Variants in COL9A1 observed in about 807,000 individuals in gnomAD.
The protein encoded by COL9A1 is collagen alpha-1(IX) chain.
A neutral mutation model predicts 142.6 loss-of-function variants in COL9A1; 104 were observed. The observed-to-expected ratio is 0.73, with a 90% confidence interval of 0.62 to 0.86. The LOEUF (loss-of-function observed/expected upper bound fraction) is 0.86, where lower values mean the gene tolerates loss of function less well. Among genes scored for constraint, COL9A1 ranks in the 40% least tolerant of loss-of-function variants. The pLI is 0.00. For missense variants in COL9A1, 1,210 were observed against 1,176.6 expected (o/e 1.03, Z -0.42); for synonymous variants, 466 against 396.0 (o/e 1.18, Z -2.10).
intron 37 of COL9A1, among the ~76,000 whole-genome samples, chr6:70,223,482 T>C (rs567401798): frequency 1.6e-4 from 24 of 152,302 alleles, no homozygotes; most frequent in African/African-American, 5.5e-4. Flanking sequence ...GAACCTAGGA[T>C]GTCTGAATTG....
chr6:70,297,263 C>T (rs144587151), intron 4 of COL9A1, among the ~76,000 whole-genome samples: 17 of 152,054 alleles, frequency 1.1e-4, no homozygotes, highest in Admixed American at 1.0e-3. Context: ...AAATGAATAC[C>T]TCAATTACAG....
chr6:70,280,540 C>T (rs1021546529), intron 10 of COL9A1: 13 of 1,385,972 alleles, frequency 9.4e-6, no homozygotes, highest in Non-Finnish European at 1.2e-5. Flanking sequence ...TGTGAGGTCA[C>T]GGTTAGAGAC....
chr6:70,227,045 T>G (rs896581619), intron 36 of COL9A1, among the ~76,000 whole-genome samples: 4 of 152,062 alleles, frequency 2.6e-5, no homozygotes, highest in Admixed American at 6.6e-5. Flanking sequence ...GGGTTTATAA[T>G]GAAGGTGGTG....
At chr6:70,235,536 A>T (rs1769855064) in intron 33 of COL9A1, among the ~76,000 whole-genome samples, 2 of 152,166 alleles carry the variant, frequency 1.3e-5, no homozygotes, top group African/African-American at 2.4e-5. Flanking sequence ...TACATTTTTT[A>T]AAAACTACAT....
In COL9A1 at chr6:70,300,033, G is replaced by T; in HGVS notation, c.299+10C>A. 1 of 1,612,630 alleles carries T rather than the reference G, an allele frequency of 6.2e-7. No homozygotes were observed. The highest frequency in any genetic ancestry group is 8.5e-7 in the Non-Finnish European group (1 of 1,178,864). On this transcript the variant is annotated intron_variant, in intron 4 of 37. Transcript: ENST00000357250. ...CAGATAATTAGATTAAAATATTTTTGATAGATTACCTAGTTGGAATCCTGA... is the reference window on the plus strand; with the variant it reads ...CAGATAATTAGATTAAAATATTTTTTATAGATTACCTAGTTGGAATCCTGA...
chr6:70,271,657 C>G lies in COL9A1; in HGVS notation c.1141G>C (p.Val381Leu), dbSNP rs1245320559. The change falls in exon 14 of 38, where the codon GTT becomes CTT. Residue 381 changes from valine (V) to leucine (L), a missense_variant and splice_region_variant. Coordinates refer to ENST00000357250, the MANE Select transcript of COL9A1 (RefSeq NM_001851.6). ...LPGELGRVGP[V>L]GDPGRRGPPG... Reference sequence around the variant, plus strand: ...TCAAAGTGCACTGTGGTACTCACAACAGGTCCTACACGGCCAAGCTCTCCA... The same window carrying G: ...TCAAAGTGCACTGTGGTACTCACAAGAGGTCCTACACGGCCAAGCTCTCCA... The G allele has an allele frequency of 3.7e-6, 6 of 1,613,786 alleles. No homozygotes were observed. In the Admixed American group the frequency reaches 8.3e-5, roughly 22 times the overall value.
intron 10 of COL9A1, chr6:70,275,002 C>G: frequency 1.8e-6 from 1 of 541,942 alleles, no homozygotes; most frequent in East Asian, 3.1e-5. Flanking sequence ...CTCCTAACTT[C>G]CTGCTAACTG....
intron 37 of COL9A1, among the ~76,000 whole-genome samples, chr6:70,224,627 T>G (rs1292567877): frequency 6.6e-6 from 1 of 152,188 alleles, no homozygotes; most frequent in Non-Finnish European, 1.5e-5. Flanking sequence ...GCCTCAAAAC[T>G]TCCTATTCCT....
At position 70,301,893 on chromosome 6, in the gene COL9A1, G is replaced by A. The variant is rs9294863; in HGVS notation, c.88+108C>T. The A allele has an allele frequency of 0.054, 46,175 of 860,386 alleles. 1,391 individuals carry two copies. The highest frequency in any genetic ancestry group is 0.085 in the Middle Eastern group (258 of 3,032). 53.3% of individuals were successfully genotyped at this position (860,386 alleles called of 1,614,324 possible). A position where few individuals can be genotyped will look rare whatever the true frequency, so the allele number is the denominator to read the frequency against. ...CCCCAAAGCTGGATTGAAGAGTGAG[G>A]GTGTGAAGGACTATGAATGCCTCAC... On this transcript the variant is annotated intron_variant, in intron 2 of 37. Transcript: ENST00000357250.
chr6:70,271,576 A>G, intron 14 of COL9A1, 79 bp downstream of exon 14: 1 of 1,275,366 alleles, frequency 7.8e-7, no homozygotes, highest in Non-Finnish European at 1.1e-6. Context: ...GGAAATGTAC[A>G]GTTAGGGTAA....
rs370699377 is a variant in COL9A1 at position 70,226,042 on chromosome 6, C to T, written c.2504-33G>A. 46 of 1,485,132 alleles carry T rather than the reference C, an allele frequency of 3.1e-5. No homozygotes were observed. The African/African-American group carries it at 5.7e-4, about 18-fold the overall frequency. 92.0% of individuals were successfully genotyped at this position (1,485,132 alleles called of 1,614,324 possible). On this transcript the variant is annotated intron_variant, in intron 36 of 37. Coordinates refer to ENST00000357250, the MANE Select transcript of COL9A1 (RefSeq NM_001851.6). ...ACATTAAAGAAATGTTATTTTTCTA[C>T]ATATCTATAAAAATAAACTTCCGCA...
Position 70,241,964 on chromosome 6 carries a change from C to G in COL9A1, c.1998G>C (p.Arg666Ser). ...CCTTCTGGAGTGCTGGAGCTCTTAC[C>G]CTGTCACCTTTCATTCCAGGAAGTC... ...PPGLPGMKGD[R>S]GVVGEPGPKG... Residue 666 changes from arginine (R) to serine (S), a missense_variant and splice_region_variant, in exon 30 of 38, where the codon AGG becomes AGC. Transcript: ENST00000357250. 3.8e-6 allele frequency: 6 copies of G among 1,591,900 alleles called. No individual in the cohort carries two copies. Among genetic ancestry groups the G allele is most frequent in the Non-Finnish European group, 5.1e-6 (6 of 1,167,416 alleles).
intron 5 of COL9A1, among the ~76,000 whole-genome samples, chr6:70,293,801 A>G (rs764839378): frequency 5.9e-5 from 9 of 151,982 alleles, no homozygotes; most frequent in Non-Finnish European, 8.8e-5. Flanking sequence ...CTTTTTGCCA[A>G]TCCAAATCCT....
At position 70,252,042 on chromosome 6, in the gene COL9A1, A is replaced by G. The variant is rs2274586; in HGVS notation, c.1872+78T>C. ...CAAACATCAGACAGCATTCATGGAT[A>G]GATGGATGAATGAATGGAAGAACAT... On this transcript the variant is annotated intron_variant, in intron 28 of 37. Transcript: ENST00000357250. 0.21 allele frequency: 298,702 copies of G among 1,408,334 alleles called. 32,271 individuals carry two copies. Among genetic ancestry groups the G allele is most frequent in the East Asian group, 0.27 (11,940 of 44,004 alleles). The allele number at this position is 1,408,334 out of a possible 1,614,324, so 87.2% of individuals were successfully genotyped here.
chr6:70,217,328 C>T (rs1768589771), intron 37 of COL9A1, among the ~76,000 whole-genome samples: 1 of 152,126 alleles, frequency 6.6e-6, no homozygotes, highest in South Asian at 2.1e-4. Flanking sequence ...CCATTTCCAT[C>T]AGTAGAGCTG....
intron 19 of COL9A1, chr6:70,260,960 A>G: frequency 2.4e-6 from 1 of 418,972 alleles, no homozygotes. Context: ...ACTTATGACA[A>G]AAAAAGTAAA....
chr6:70,273,918 G>A, intron 12 of COL9A1, 129 bp downstream of exon 12: 1 of 431,398 alleles, frequency 2.3e-6, no homozygotes, highest in Non-Finnish European at 3.7e-6. Flanking sequence ...AACTGCACAT[G>A]TACCCTAAAA....
intron 20 of COL9A1, among the ~76,000 whole-genome samples, chr6:70,259,618 T>C (rs1276563772): frequency 6.6e-6 from 1 of 152,148 alleles, no homozygotes; most frequent in Non-Finnish European, 1.5e-5. Context: ...ATCCTTCTAA[T>C]GCCACCTCCT....
chr6:70,239,075 G>A (rs1337897600), intron 33 of COL9A1, among the ~76,000 whole-genome samples, 179 bp downstream of exon 33: 1 of 152,002 alleles, frequency 6.6e-6, no homozygotes, highest in Non-Finnish European at 1.5e-5. Context: ...GGAGGCAGAG[G>A]TTGCAGTGAG....
Sources: allele counts gnomAD v4.1 joint callset (sites outside exome capture counted in the v4.1 genomes callset), GRCh38; gene constraint gnomAD v4.1.1; transcripts MANE v1.5; gene names NCBI Gene and HGNC (gene_info 2026-07-23, HGNC 2026-07-21).